SI: variants seen among roughly 807,000 people sequenced by gnomAD.
SI encodes the protein sucrase-isomaltase, intestinal.
SI carries 235 observed loss-of-function variants against 253.3 expected under a neutral mutation model. That is an observed-to-expected ratio of 0.93 (90% CI 0.83 to 1.03). SI has a LOEUF of 1.03. Ranked by LOEUF, SI falls within the 50% of genes least tolerant of loss-of-function variation. The pLI, the probability that SI is intolerant of heterozygous loss-of-function variation, is 0.00. For synonymous variants in SI, 819 were observed against 712.0 expected, an observed-to-expected ratio of 1.15 and a Z score of -2.39; for missense variants, 2,442 against 2,211.1, an observed-to-expected ratio of 1.10 and a Z score of -2.09.
At chr3:164,991,598 C>T (rs532809703) in intron 43 of SI, 121 bp from the exon 44 acceptor site, 1 of 1,035,580 alleles carries the variant, frequency 9.7e-7, no homozygotes, top group African/African-American at 1.6e-5. Context: ...AAAAAATTCA[C>T]ATTTATTCAG....
At chr3:164,986,006 T>C (rs905495687) in intron 45 of SI, among the ~76,000 whole-genome samples, 1 of 151,518 alleles carries the variant, frequency 6.6e-6, no homozygotes, top group Non-Finnish European at 1.5e-5. Context: ...AAAATATATC[T>C]CCTCATGTAA....
At chr3:164,983,143 A>G in intron 45 of SI, 92 bp from the exon 46 acceptor site, 1 of 1,216,466 alleles carries the variant, frequency 8.2e-7, no homozygotes, top group South Asian at 1.3e-5. Context: ...TTCCCAGTAT[A>G]AAAAGTAGCA....
chr3:165,056,379 C>T (rs1034176510), intron 12 of SI, among the ~76,000 whole-genome samples: 1 of 86,064 alleles, frequency 1.2e-5, no homozygotes, highest in Non-Finnish European at 3.1e-5. Context: ...CAGTGACCAT[C>T]CCCCCCTGCA....
In SI at chr3:164,980,896, C is replaced by G. The variant is rs114343874; in HGVS notation, c.5415+1347G>C. On this transcript the variant is annotated intron_variant, in intron 47 of 47. Coordinates refer to ENST00000264382, the MANE Select transcript of SI (RefSeq NM_001041.4). ...TAGTAAATAAAAGGTAAGATATTAT[C>G]TAAGCCAAACCGTCTTTTCTTTATC... Among the ~76,000 whole-genome samples, 161 of 152,044 alleles carry G rather than the reference C, an allele frequency of 1.1e-3. 1 individual carries two copies. The highest frequency in any genetic ancestry group is 3.8e-3 in the African/African-American group (156 of 41,522).
intron 44 of SI, among the ~76,000 whole-genome samples, chr3:164,989,389 G>GGAAGAAAGAAAGAAAGA (rs1717608656): frequency 1.7e-5 from 1 of 59,428 alleles, no homozygotes; most frequent in Non-Finnish European, 3.6e-5. Flanking sequence ...AGAAAGAAAG[G>GGAAGAAAGAAAGAAAGA]AAGAAAGAAA....
intron 44 of SI, among the ~76,000 whole-genome samples, chr3:164,989,052 T>TTGTGCACA (rs1205686671): frequency 6.6e-6 from 1 of 151,492 alleles, no homozygotes; most frequent in East Asian, 1.9e-4. Context: ...AACCTGCACA[T>TTGTGCACA]TGTGCACATG....
intron 24 of SI, among the ~76,000 whole-genome samples, chr3:165,031,975 C>T (rs1386262424): frequency 2.0e-5 from 3 of 150,992 alleles, no homozygotes; most frequent in East Asian, 1.9e-4. Flanking sequence ...CCCCTCTATA[C>T]TACAACTGTA....
chr3:165,014,825 T>C (rs1382091074), intron 33 of SI, among the ~76,000 whole-genome samples: 1 of 152,136 alleles, frequency 6.6e-6, no homozygotes, highest in African/African-American at 2.4e-5. Context: ...CAGTACAGAA[T>C]AATGAGTAGC....
At chr3:164,990,198 C>G (rs1717663756) in intron 44 of SI, among the ~76,000 whole-genome samples, 1 of 151,964 alleles carries the variant, frequency 6.6e-6, no homozygotes, top group South Asian at 2.1e-4. Flanking sequence ...ATCTCTGGAC[C>G]TTCTCAATTT....
chr3:165,023,726 G>C lies in SI; in HGVS notation c.2943C>G (p.Asn981Lys). ...APECYFPRQD[N>K]SYSVNSARYS... Reference sequence around the variant, plus strand: ...AGCGAGCTGAGTTGACTGAATAAGAGTTATCTTGTCTGGGAAAGTAACACT... The same window carrying C: ...AGCGAGCTGAGTTGACTGAATAAGACTTATCTTGTCTGGGAAAGTAACACT... Residue 981 changes from asparagine to lysine, a missense_variant, in exon 26 of 48, where the codon AAC (asparagine) becomes AAG (lysine). Asn to Lys is a moderately conservative substitution (Grantham distance 94, BLOSUM62 0). Transcript: ENST00000264382. 1.2e-6 allele frequency: 2 copies of C among 1,610,628 alleles called. No individual in the cohort carries two copies. The highest frequency in any genetic ancestry group is 1.7e-6 in the Non-Finnish European group (2 of 1,177,798).
intron 45 of SI, among the ~76,000 whole-genome samples, chr3:164,983,600 A>T (rs1487899235): frequency 6.6e-6 from 1 of 151,920 alleles, no homozygotes; most frequent in African/African-American, 2.4e-5. Flanking sequence ...TTTAGTTTTT[A>T]TTTTTTTAAG....
At position 165,018,060 on chromosome 3, in the gene SI, G is replaced by C. The variant is rs765007267; in HGVS notation, c.3430C>G (p.Leu1144Val). ...TAGGGATGAAATCCATAGGAATTAA[G>C]TTTGTACTGAAATACGAAAAATAAG... ...FTRDQPPGYK[L>V]NSYGFHPYYM... Residue 1144 changes from leucine to valine, a missense_variant, in exon 29 of 48, where the codon CTT (leucine) becomes GTT (valine). Transcript: ENST00000264382. 1 of 1,584,458 alleles carries C rather than the reference G, an allele frequency of 6.3e-7. No homozygotes were observed.
At chr3:165,054,154 G>T (rs748394056) in intron 13 of SI, among the ~76,000 whole-genome samples, 1 of 152,052 alleles carries the variant, frequency 6.6e-6, no homozygotes, top group Admixed American at 6.6e-5. Flanking sequence ...TAATAAATAA[G>T]TGAATAATTA....
chr3:165,084,423 A>G, the SI span, among the ~76,000 whole-genome samples: 1 of 152,080 alleles, frequency 6.6e-6, no homozygotes, highest in African/African-American at 2.4e-5. Context: ...TTATATTTAA[A>G]AAACATTCTT....
intron 37 of SI, among the ~76,000 whole-genome samples, chr3:165,002,753 G>GT (rs1209232612): frequency 6.6e-6 from 1 of 151,554 alleles, no homozygotes; most frequent in African/African-American, 2.4e-5. Flanking sequence ...GAGTTCAGCA[G>GT]TTTTTTGTAA....
chr3:165,027,981 A>T (rs896813454), intron 25 of SI, among the ~76,000 whole-genome samples: 29 of 151,412 alleles, frequency 1.9e-4, no homozygotes, highest in African/African-American at 6.5e-4. Flanking sequence ...CAAATCAGTA[A>T]AGGGGAAGTC....
chr3:164,983,175 T>A, intron 45 of SI, 124 bp from the exon 46 acceptor site: 1 of 934,118 alleles, frequency 1.1e-6, no homozygotes, highest in Non-Finnish European at 1.5e-6. Context: ...GATGTACCTA[T>A]TTTTTCTCTA....
chr3:165,043,050 G>A lies in SI; in HGVS notation c.2004+9C>T, dbSNP rs369552398. ...TTATTTCGCAACATGGAGAACAAGA[G>A]GCTCTTACTTCATATCCGTCAGAAT... On this transcript the variant is annotated intron_variant, in intron 17 of 47. Coordinates refer to ENST00000264382, the MANE Select transcript of SI (RefSeq NM_001041.4). 2.0e-6 allele frequency: 3 copies of A among 1,484,704 alleles called. No homozygotes were observed. In the South Asian group the frequency reaches 3.4e-5, roughly 17 times the overall value. The allele number at this position is 1,484,704 out of a possible 1,614,324, so 92.0% of individuals were successfully genotyped here.
chr3:165,065,338 G>C lies in SI; in HGVS notation c.730C>G (p.Gln244Glu). 6.2e-7 allele frequency: 1 copy of C among 1,602,860 alleles called. No homozygotes were observed. Among genetic ancestry groups the C allele is most frequent in the South Asian group, 1.1e-5 (1 of 90,818 alleles). ...PSDYIYGIGE[Q>E]VHKRFRHDLS... ...TCATGACGAAATCTCTTATGAACTTGTTCTCCAATACCATAAATATAATCA... is the reference window on the plus strand; with the variant it reads ...TCATGACGAAATCTCTTATGAACTTCTTCTCCAATACCATAAATATAATCA... Residue 244 changes from glutamine to glutamate, a missense_variant, in exon 7 of 48, where the codon CAA (glutamine) becomes GAA (glutamate). Coordinates refer to ENST00000264382, the MANE Select transcript of SI (RefSeq NM_001041.4).
Sources: allele counts gnomAD v4.1 joint callset (sites outside exome capture counted in the v4.1 genomes callset), GRCh38; gene constraint gnomAD v4.1.1; transcripts MANE v1.5; gene names NCBI Gene and HGNC (gene_info 2026-07-23, HGNC 2026-07-21).